Variants in ZW10 observed in about 807,000 individuals in gnomAD.
The protein encoded by ZW10 is zw10 kinetochore protein.
Under a neutral mutation model 87.8 loss-of-function variants are expected in ZW10, and 53 were observed. The ratio of observed to expected loss-of-function variants is 0.60; its 90% confidence interval spans 0.48 to 0.76. The LOEUF is 0.76. Among genes scored for constraint, ZW10 ranks in the 30% least tolerant of loss-of-function variants. The probability of loss-of-function intolerance (pLI) is 0.00; values close to 1 mark genes in which losing one functional copy is unlikely to be tolerated. For missense variants in ZW10, 837 were observed against 923.0 expected (o/e 0.91, Z 1.21); for synonymous variants, 312 against 329.2 (o/e 0.95, Z 0.57).
chr11:113,752,285 T>C (rs765153841), intron 7 of ZW10, among the ~76,000 whole-genome samples: 38 of 152,224 alleles, frequency 2.5e-4, no homozygotes, highest in Non-Finnish European at 4.9e-4. Context: ...TGTGTGTGTG[T>C]GTATTTGCCA....
At chr11:113,748,132 C>G in intron 8 of ZW10, 125 bp downstream of exon 8, 1 of 848,176 alleles carries the variant, frequency 1.2e-6, no homozygotes, top group Non-Finnish European at 1.7e-6. Context: ...GAATTTGTCT[C>G]TATTCCTTAT....
At chr11:113,752,144 T>C (rs1368806216) in intron 7 of ZW10, among the ~76,000 whole-genome samples, 1 of 152,250 alleles carries the variant, frequency 6.6e-6, no homozygotes, top group African/African-American at 2.4e-5. Context: ...ACTACATTGT[T>C]ATCTTCAAGG....
At position 113,760,908 on chromosome 11, in the gene ZW10, T is replaced by C; in HGVS notation, c.251A>G (p.Asp84Gly). Residue 84 changes from aspartate (D) to glycine (G), a missense_variant, in exon 3 of 16, where the codon GAT becomes GGT. Coordinates refer to ENST00000200135, the MANE Select transcript of ZW10 (RefSeq NM_004724.4). ...KSRIESEVRR[D>G]LHVSTGEFTD... is the part of the protein sequence containing the mutation. Reference sequence around the variant, plus strand: ...AAATTCACCGGTTGATACGTGAAGATCCCGGCGGACCTAATTCACACATCA... The same window carrying C: ...AAATTCACCGGTTGATACGTGAAGACCCCGGCGGACCTAATTCACACATCA... The C allele has an allele frequency of 6.2e-7, 1 of 1,613,964 alleles. No individual in the cohort carries two copies. Among genetic ancestry groups the C allele is most frequent in the South Asian group, 1.1e-5 (1 of 91,066 alleles).
At chr11:113,745,820 A>C (rs1953671581) in intron 9 of ZW10, among the ~76,000 whole-genome samples, 1 of 152,252 alleles carries the variant, frequency 6.6e-6, no homozygotes, top group African/African-American at 2.4e-5. Flanking sequence ...GAGAATTGAG[A>C]AACAGACCAT....
At chr11:113,740,705 C>T (rs1193250659) in intron 11 of ZW10, among the ~76,000 whole-genome samples, 1 of 152,248 alleles carries the variant, frequency 6.6e-6, no homozygotes, top group East Asian at 1.9e-4. Context: ...CCATGACAGG[C>T]AACATCAGCA....
intron 5 of ZW10, among the ~76,000 whole-genome samples, chr11:113,758,947 G>A (rs1953828764): frequency 6.6e-6 from 1 of 152,200 alleles, no homozygotes; most frequent in African/African-American, 2.4e-5. Flanking sequence ...GTCGAGGCGG[G>A]AGGATCACTT....
At position 113,733,287 on chromosome 11, in the gene ZW10, C is replaced by T. The variant is rs1354300279; in HGVS notation, c.*407G>A. 6.3e-6 allele frequency: 1 copy of T among 158,908 alleles called. No homozygotes were observed. The highest frequency in any genetic ancestry group is 1.4e-5 in the Non-Finnish European group (1 of 72,482). The allele number at this position is 158,908 out of a possible 1,614,324, so 9.8% of individuals were successfully genotyped here. On this transcript the variant is annotated 3_prime_UTR_variant, in exon 16 of 16. Coordinates refer to ENST00000200135, the MANE Select transcript of ZW10 (RefSeq NM_004724.4). ...CCCATTCCTCCCTTCCCCTCCTCCA[C>T]ACCCCTAAAATATCTCCGATTTGCT...
At position 113,768,861 on chromosome 11, in the gene ZW10, T is replaced by C; in HGVS notation, c.212A>G (p.Asp71Gly). ...TQVDKLSEDI[D>G]LLKSRIESEV... ...ACTCTCTATCCTGGATTTCAGCAGG[T>C]CAATGTCTTCAGATAGCTTATCCAC... is the stretch of plus-strand genomic sequence containing the variant. Residue 71 changes from aspartate to glycine, a missense_variant, in exon 2 of 16, where the codon GAC (aspartate) becomes GGC (glycine). By Grantham distance (94) the Asp-to-Gly change is moderately conservative. Transcript: ENST00000200135. 1 of 1,614,096 alleles carries C rather than the reference T, an allele frequency of 6.2e-7. No individual in the cohort carries two copies.
At chr11:113,766,954 T>C (rs1591423839) in intron 2 of ZW10, among the ~76,000 whole-genome samples, 1 of 151,936 alleles carries the variant, frequency 6.6e-6, no homozygotes. Flanking sequence ...GAGGCAGAGG[T>C]TGTGGTGAGC....
At chr11:113,759,310 T>A (rs1269566564) in intron 5 of ZW10, among the ~76,000 whole-genome samples, 1 of 131,718 alleles carries the variant, frequency 7.6e-6, no homozygotes, top group Non-Finnish European at 1.7e-5. Flanking sequence ...ACACCTGCCC[T>A]CTTCTCTTAA....
intron 3 of ZW10, 110 bp downstream of exon 3, chr11:113,760,707 A>C: frequency 1.6e-6 from 2 of 1,215,558 alleles, no homozygotes; most frequent in African/African-American, 1.5e-5. Flanking sequence ...AAAAAAAAGA[A>C]AGAAAAAAAA....
chr11:113,766,939 C>T (rs1407544818), intron 2 of ZW10, among the ~76,000 whole-genome samples: 1 of 151,940 alleles, frequency 6.6e-6, no homozygotes, highest in Non-Finnish European at 1.5e-5. Flanking sequence ...ATTGCTTGAA[C>T]CCAGGAGGCA....
intron 15 of ZW10, among the ~76,000 whole-genome samples, chr11:113,734,211 T>C (rs371579463): frequency 4.6e-5 from 7 of 152,290 alleles, no homozygotes; most frequent in African/African-American, 1.7e-4. Flanking sequence ...CATGAATCAA[T>C]AGTGAAACCA....
At chr11:113,768,391 TA>T (rs1361371918) in intron 2 of ZW10, among the ~76,000 whole-genome samples, 1 of 152,212 alleles carries the variant, frequency 6.6e-6, no homozygotes, top group Non-Finnish European at 1.5e-5. Context: ...GTGTGGCCAG[TA>T]AAAGGTACAG....
At chr11:113,751,644 G>A (rs560196059) in intron 7 of ZW10, among the ~76,000 whole-genome samples, 15 of 152,340 alleles carry the variant, frequency 9.8e-5, no homozygotes, top group African/African-American at 2.6e-4. Context: ...GGGAGCCAAG[G>A]AGGGCAGATT....
intron 2 of ZW10, among the ~76,000 whole-genome samples, chr11:113,762,792 A>G (rs987581850): frequency 2.0e-5 from 3 of 152,248 alleles, no homozygotes; most frequent in African/African-American, 7.2e-5. Context: ...TGCTGGGATT[A>G]CAGGTGTAAG....
chr11:113,747,869 C>T (rs902285164), intron 8 of ZW10, among the ~76,000 whole-genome samples, 156 bp from the exon 9 acceptor site: 8 of 152,094 alleles, frequency 5.3e-5, no homozygotes, highest in African/African-American at 1.9e-4. Flanking sequence ...TATTTCCAGC[C>T]TTAAATTCAT....
intron 7 of ZW10, among the ~76,000 whole-genome samples, chr11:113,754,618 T>C (rs1231642043): frequency 6.6e-6 from 1 of 152,114 alleles, no homozygotes; most frequent in Non-Finnish European, 1.5e-5. Flanking sequence ...ACAGCATGTC[T>C]TATTTTCTTT....
chr11:113,761,727 A>T (rs763826392), intron 2 of ZW10, among the ~76,000 whole-genome samples: 1 of 152,210 alleles, frequency 6.6e-6, no homozygotes, highest in Non-Finnish European at 1.5e-5. Flanking sequence ...ATATATATTG[A>T]CTGAATGCCT....
Sources: allele counts gnomAD v4.1 joint callset (sites outside exome capture counted in the v4.1 genomes callset), GRCh38; gene constraint gnomAD v4.1.1; transcripts MANE v1.5; gene names NCBI Gene and HGNC (gene_info 2026-07-23, HGNC 2026-07-21).